Variants in ATF7 observed in about 807,000 individuals in gnomAD.
ATF7 encodes cyclic AMP-dependent transcription factor ATF-7.
In ATF7, 10 loss-of-function variants were observed where a neutral mutation model predicts 50.4. The ratio of observed to expected loss-of-function variants is 0.20; its 90% confidence interval spans 0.12 to 0.34. The LOEUF is 0.34. Among genes scored for constraint, ATF7 ranks in the 10% least tolerant of loss-of-function variants. The pLI, the probability that ATF7 is intolerant of heterozygous loss-of-function variation, is 1.00. For missense variants in ATF7, 465 were observed against 613.9 expected, an observed-to-expected ratio of 0.76 and a Z score of 2.56; for synonymous variants, 201 against 226.4, an observed-to-expected ratio of 0.89 and a Z score of 1.01.
chr12:53,546,970 G>C (rs1222359138), intron 3 of ATF7, among the ~76,000 whole-genome samples: 1 of 147,400 alleles, frequency 6.8e-6, no homozygotes, highest in South Asian at 2.1e-4. Context: ...TGCTGCCCAG[G>C]CTGGCTCTTT....
intron 2 of ATF7, among the ~76,000 whole-genome samples, chr12:53,592,097 C>G (rs553599648): frequency 6.6e-6 from 1 of 152,326 alleles, no homozygotes; most frequent in African/African-American, 2.4e-5. Flanking sequence ...GAAGTTGGTT[C>G]GGCACTTCAA....
At chr12:53,569,177 AAAAAAAT>A (rs1337656495) in intron 2 of ATF7, among the ~76,000 whole-genome samples, 1 of 149,852 alleles carries the variant, frequency 6.7e-6, no homozygotes, top group African/African-American at 2.5e-5. Context: ...ATGTCTCTTA[AAAAAAAT>A]AAAAAATAAA....
At chr12:53,541,211 G>A (rs1055473060) in intron 4 of ATF7, among the ~76,000 whole-genome samples, 3 of 152,122 alleles carry the variant, frequency 2.0e-5, no homozygotes, top group African/African-American at 7.2e-5. Flanking sequence ...TAGAAGGAAA[G>A]AGCTCCCATG....
At chr12:53,611,914 G>T (rs546161450) in intron 1 of ATF7, among the ~76,000 whole-genome samples, 1 of 151,586 alleles carries the variant, frequency 6.6e-6, no homozygotes, top group African/African-American at 2.4e-5. Flanking sequence ...TTTTTTCAAC[G>T]GTTGAAAAAA....
chr12:53,623,809 G>T (rs1312262542), intron 1 of ATF7, among the ~76,000 whole-genome samples: 1 of 152,214 alleles, frequency 6.6e-6, no homozygotes, highest in South Asian at 2.1e-4. Context: ...TCCAGGCAAA[G>T]AAGTAGTTTA....
intron 2 of ATF7, among the ~76,000 whole-genome samples, chr12:53,567,032 G>A (rs898178539): frequency 1.3e-5 from 2 of 152,170 alleles, no homozygotes; most frequent in African/African-American, 2.4e-5. Flanking sequence ...GATTACAGGC[G>A]TGAGCCATTG....
chr12:53,531,832 C>T lies in ATF7; in HGVS notation c.839G>A (p.Gly280Asp). Reference sequence around the variant, plus strand: ...GGCTGTCACCATGGTGCTGGCAGTACCCACCACCATTCCACAACCACCATT... The same window carrying T: ...GGCTGTCACCATGGTGCTGGCAGTATCCACCACCATTCCACAACCACCATT... ...SINGGCGMVVGTASTMVTARP... is the reference protein window; with the variant it reads ...SINGGCGMVVDTASTMVTARP... Residue 280 changes from glycine (G) to aspartate (D), a missense_variant, in exon 9 of 12, where the codon GGT (glycine) becomes GAT (aspartate). Gly to Asp is a moderately conservative substitution (Grantham distance 94, BLOSUM62 -1). Coordinates refer to ENST00000420353, the MANE Select transcript of ATF7 (RefSeq NM_006856.3). The T allele has an allele frequency of 3.1e-6, 5 of 1,613,376 alleles. No homozygotes were observed. Among genetic ancestry groups the T allele is most frequent in the Non-Finnish European group, 4.2e-6 (5 of 1,179,778 alleles).
intron 2 of ATF7, among the ~76,000 whole-genome samples, chr12:53,586,464 C>T (rs1358322401): frequency 1.3e-5 from 2 of 151,826 alleles, no homozygotes; most frequent in Non-Finnish European, 2.9e-5. Context: ...TACTATTTAC[C>T]CATTCTAGTA....
At chr12:53,567,393 G>C (rs373643032) in intron 2 of ATF7, among the ~76,000 whole-genome samples, 8 of 152,122 alleles carry the variant, frequency 5.3e-5, no homozygotes, top group African/African-American at 1.9e-4. Flanking sequence ...TTGGAAACTG[G>C]GGCAGTTAAA....
intron 3 of ATF7, chr12:53,543,692 A>G: frequency 2.2e-6 from 1 of 452,428 alleles, no homozygotes; most frequent in Non-Finnish European, 3.9e-6. Context: ...TTGTGTGACT[A>G]TCCACGTACC....
At chr12:53,545,318 GTTTGT>G (rs905553084) in intron 3 of ATF7, among the ~76,000 whole-genome samples, 3 of 152,082 alleles carry the variant, frequency 2.0e-5, no homozygotes, top group South Asian at 2.1e-4. Context: ...ATCAGTAAGT[GTTTGT>G]TTTGTTTTGT....
At chr12:53,510,380 G>A (rs1437165755), downstream of ATF7, among the ~76,000 whole-genome samples, 2 of 152,208 alleles carry the variant, frequency 1.3e-5, no homozygotes, top group East Asian at 3.8e-4. Flanking sequence ...GCCACGGGGA[G>A]ATGGCTTTTC....
chr12:53,578,420 C>T (rs1942218009), intron 2 of ATF7, among the ~76,000 whole-genome samples: 1 of 144,242 alleles, frequency 6.9e-6, no homozygotes, highest in African/African-American at 2.5e-5. Flanking sequence ...CTCAAGCAAA[C>T]CAAAATACGG....
intron 11 of ATF7, 69 bp downstream of exon 11, chr12:53,523,207 A>T: frequency 8.8e-7 from 1 of 1,133,884 alleles, no homozygotes; most frequent in Non-Finnish European, 1.3e-6. Flanking sequence ...TAAAATTATA[A>T]GCAGTTGAGA....
At chr12:53,620,444 C>T (rs1235116438) in intron 1 of ATF7, among the ~76,000 whole-genome samples, 2 of 150,096 alleles carry the variant, frequency 1.3e-5, no homozygotes, top group Non-Finnish European at 3.0e-5. Flanking sequence ...GGCGTAGTGG[C>T]GGGCGCCTGT....
chr12:53,600,409 C>T (rs1395425272), intron 2 of ATF7, among the ~76,000 whole-genome samples: 2 of 151,392 alleles, frequency 1.3e-5, no homozygotes, highest in African/African-American at 4.9e-5. Context: ...CGCACAATTT[C>T]GGCTCACTGG....
intron 1 of ATF7, among the ~76,000 whole-genome samples, chr12:53,622,346 C>T (rs1944416304): frequency 6.6e-6 from 1 of 151,452 alleles, no homozygotes; most frequent in African/African-American, 2.4e-5. Context: ...GCTGGCCGGG[C>T]GTGGTGGCTC....
At chr12:53,530,942 C>T (rs545594582) in intron 9 of ATF7, among the ~76,000 whole-genome samples, 2 of 152,216 alleles carry the variant, frequency 1.3e-5, no homozygotes, top group Non-Finnish European at 1.5e-5. Context: ...TGTAACATCA[C>T]ATTTCATTAA....
At chr12:53,616,922 G>A (rs989139261) in intron 1 of ATF7, among the ~76,000 whole-genome samples, 7 of 144,604 alleles carry the variant, frequency 4.8e-5, no homozygotes, top group Admixed American at 3.6e-4. Context: ...TCCAGCCTAG[G>A]CAACAGAGAA....
Sources: allele counts gnomAD v4.1 joint callset (sites outside exome capture counted in the v4.1 genomes callset), GRCh38; gene constraint gnomAD v4.1.1; transcripts MANE v1.5; gene names NCBI Gene and HGNC (gene_info 2026-07-23, HGNC 2026-07-21).